FOXP2: variants seen among roughly 807,000 people sequenced by gnomAD.
The protein encoded by FOXP2 is forkhead box P2.
In FOXP2, 12 loss-of-function variants were observed where a neutral mutation model predicts 115.8. The observed-to-expected ratio is 0.10, with a 90% CI of 0.07 to 0.17. The LOEUF is 0.17. FOXP2 is among the 10% of genes least tolerant of loss of function. FOXP2 has a pLI of 1.00. For missense variants in FOXP2, 629 were observed against 843.5 expected, an observed-to-expected ratio of 0.75 and a Z score of 3.15; for synonymous variants, 328 against 297.7, an observed-to-expected ratio of 1.10 and a Z score of -1.05.
At chr7:114,652,876 A>T (rs1292772750) in intron 9 of FOXP2, among the ~76,000 whole-genome samples, 2 of 151,946 alleles carry the variant, frequency 1.3e-5, no homozygotes. Context: ...GTTTTAAGTT[A>T]AAAAAAATTC....
chr7:114,482,310 G>A (rs753287838), intron 2 of FOXP2, among the ~76,000 whole-genome samples: 32 of 151,460 alleles, frequency 2.1e-4, no homozygotes, highest in Middle Eastern at 3.4e-3. Flanking sequence ...AAAGACTGAC[G>A]TTAGGATTTA....
intron 2 of FOXP2, among the ~76,000 whole-genome samples, chr7:114,296,345 G>C (rs746334331): frequency 6.6e-6 from 1 of 152,032 alleles, no homozygotes; most frequent in Non-Finnish European, 1.5e-5. Flanking sequence ...GAATGGATTT[G>C]CCAGAGTACA....
At chr7:114,495,489 T>C in intron 2 of FOXP2, among the ~76,000 whole-genome samples, 1 of 102,976 alleles carries the variant, frequency 9.7e-6, no homozygotes, top group Non-Finnish European at 2.1e-5. Flanking sequence ...CTCTCTTTTT[T>C]TTTTTTTTTT....
intron 3 of FOXP2, among the ~76,000 whole-genome samples, chr7:114,542,955 T>C (rs1799749100): frequency 6.6e-6 from 1 of 151,970 alleles, no homozygotes; most frequent in African/African-American, 2.4e-5. Flanking sequence ...CATGCCCAAC[T>C]AATTTTTGTA....
chr7:114,311,065 T>A (rs1431048514), intron 2 of FOXP2, among the ~76,000 whole-genome samples: 1 of 152,138 alleles, frequency 6.6e-6, no homozygotes, highest in Admixed American at 6.5e-5. Flanking sequence ...AAGTTGCGGA[T>A]CACCAGTTTC....
intron 1 of FOXP2, among the ~76,000 whole-genome samples, chr7:114,204,538 C>T (rs189993963): frequency 2.9e-4 from 44 of 152,252 alleles, no homozygotes; most frequent in Non-Finnish European, 4.7e-4. Flanking sequence ...TGAACCTCAT[C>T]CTCATCTCCC....
intron 2 of FOXP2, among the ~76,000 whole-genome samples, chr7:114,309,669 A>G (rs999604802): frequency 3.9e-5 from 6 of 151,908 alleles, no homozygotes; most frequent in Non-Finnish European, 5.9e-5. Flanking sequence ...AGGGAGATAC[A>G]TATTTTTTTT....
At chr7:114,580,735 C>T (rs1033660438) in intron 3 of FOXP2, among the ~76,000 whole-genome samples, 8 of 152,028 alleles carry the variant, frequency 5.3e-5, no homozygotes, top group East Asian at 1.9e-4. Flanking sequence ...AGGTTGTGAC[C>T]CTGGTGATAC....
In FOXP2 at chr7:114,659,680, A is replaced by G; in HGVS notation, c.1647+7A>G. 1 of 1,610,556 alleles carries G rather than the reference A, an allele frequency of 6.2e-7. No individual in the cohort carries two copies. Among genetic ancestry groups the G allele is most frequent in the Non-Finnish European group, 8.5e-7 (1 of 1,176,916 alleles). ...TAATGCAGCAACTTGGAAGGTAACT[A>G]CTTTTCCAGCAGTTTTAAGATGCCT... On this transcript the variant is annotated splice_region_variant and intron_variant, in intron 13 of 16. Coordinates refer to ENST00000350908, the MANE Select transcript of FOXP2 (RefSeq NM_014491.4).
At chr7:114,105,881 C>T (rs1791098890) in intron 1 of FOXP2, among the ~76,000 whole-genome samples, 2 of 152,034 alleles carry the variant, frequency 1.3e-5, no homozygotes, top group Admixed American at 1.3e-4. Context: ...TCTGCCTCTT[C>T]CTGGTCTAGT....
At position 114,091,565 on chromosome 7, in the gene FOXP2, A is replaced by G. The variant is rs139376745; in HGVS notation, c.-247+3727A>G. Among the ~76,000 whole-genome samples the G allele has an allele frequency of 2.6e-3, 400 of 152,004 alleles. 1 individual carries two copies. The highest frequency in any genetic ancestry group is 7.9e-3 in the African/African-American group (328 of 41,560). On this transcript the variant is annotated intron_variant, in intron 1 of 19. Transcript: ENST00000635638. The stretch of plus-strand genomic sequence containing the variant: ...TATACAGATATTTGCCTACCAGCCA[A>G]CTTAACAGAGTATATCTGTGCTCTA...
chr7:114,435,015 A>G (rs558366224), intron 2 of FOXP2, among the ~76,000 whole-genome samples: 7 of 152,316 alleles, frequency 4.6e-5, no homozygotes, highest in African/African-American at 1.7e-4. Flanking sequence ...ACTCTGCTCA[A>G]TAACTGAATC....
intron 13 of FOXP2, 115 bp from the exon 14 acceptor site, chr7:114,661,950 T>G: frequency 7.4e-7 from 1 of 1,343,466 alleles, no homozygotes; most frequent in South Asian, 1.3e-5. Context: ...TTTTAATACT[T>G]AAACATGTTA....
At chr7:114,213,987 A>T (rs925084704) in intron 1 of FOXP2, among the ~76,000 whole-genome samples, 4 of 152,196 alleles carry the variant, frequency 2.6e-5, no homozygotes, top group African/African-American at 9.6e-5. Context: ...GTGGAAAGGA[A>T]AGTGAGAGCA....
intron 3 of FOXP2, among the ~76,000 whole-genome samples, chr7:114,587,104 G>C (rs1174198296): frequency 6.6e-6 from 1 of 151,162 alleles, no homozygotes; most frequent in African/African-American, 2.4e-5. Flanking sequence ...TACGTGTGCA[G>C]AACGTGCAGG....
chr7:114,198,428 G>A (rs564203482), intron 1 of FOXP2, among the ~76,000 whole-genome samples: 1 of 152,162 alleles, frequency 6.6e-6, no homozygotes, highest in South Asian at 2.1e-4. Context: ...ATGCTATAGG[G>A]GGGTAGGGGA....
At chr7:114,546,562 T>A (rs1660238215) in intron 3 of FOXP2, among the ~76,000 whole-genome samples, 1 of 152,208 alleles carries the variant, frequency 6.6e-6, no homozygotes, top group Admixed American at 6.5e-5. Flanking sequence ...CTTGTTTTTG[T>A]TCCTGCTTCT....
At chr7:114,324,524 T>G (rs1394523001) in intron 2 of FOXP2, among the ~76,000 whole-genome samples, 2 of 151,898 alleles carry the variant, frequency 1.3e-5, no homozygotes, top group Non-Finnish European at 2.9e-5. Context: ...TGAGGTTTTT[T>G]TCTCTTTAAC....
rs905601452 is a variant in FOXP2, at chr7:114,414,912, T to TCACACACATGCACA, written c.-449_-436dup. On this transcript the variant is annotated 5_prime_UTR_variant, in exon 1 of 17. In the 5' UTR this introduces an upstream ATG that the reference lacks. Coordinates refer to ENST00000350908, the MANE Select transcript of FOXP2 (RefSeq NM_014491.4). ...CTCTCTCACACACACACTCACACACTCACACACATGCACACACACACATAC... is the reference window on the plus strand; with the variant it reads ...CTCTCTCACACACACACTCACACACTCACACACATGCACACACACACATGCACACACACACATAC... 8.0e-6 allele frequency: 3 copies of TCACACACATGCACA among 375,516 alleles called. No homozygotes were observed. Among genetic ancestry groups the TCACACACATGCACA allele is most frequent in the African/African-American group, 4.2e-5 (2 of 47,226 alleles). 23.3% of individuals were successfully genotyped at this position (375,516 alleles called of 1,614,324 possible). A position where few individuals can be genotyped will look rare whatever the true frequency, so the allele number is the denominator to read the frequency against.
Sources: gnomAD v4.1 joint callset for allele counts (sites outside exome capture counted in the v4.1 genomes callset) on GRCh38, gnomAD v4.1.1 for gene constraint, MANE v1.5 for transcripts, NCBI Gene and HGNC (gene_info 2026-07-23, HGNC 2026-07-21) for gene names.